Variants in NF2 observed in about 807,000 individuals in gnomAD.
NF2 encodes the protein merlin.
Under a neutral mutation model 83.7 loss-of-function variants are expected in NF2, and 8 were observed. The ratio of observed to expected loss-of-function variants is 0.10; its 90% CI spans 0.06 to 0.17. The LOEUF is 0.17. NF2 is among the 10% of genes least tolerant of loss of function. The pLI, the probability that NF2 is intolerant of heterozygous loss-of-function variation, is 1.00. For synonymous variants in NF2, 266 were observed against 269.6 expected (o/e 0.99, Z 0.13); for missense variants, 533 against 744.4 (o/e 0.72, Z 3.31).
At chr22:29,656,849 AC>A (rs957066758) in intron 6 of NF2, among the ~76,000 whole-genome samples, 1 of 95,974 alleles carries the variant, frequency 1.0e-5, no homozygotes, top group African/African-American at 4.1e-5. Flanking sequence ...AGAGTGTCCC[AC>A]CCCCCACCCC....
At chr22:29,664,038 A>G (rs1418556493) in intron 8 of NF2, among the ~76,000 whole-genome samples, 1 of 152,194 alleles carries the variant, frequency 6.6e-6, no homozygotes, top group Non-Finnish European at 1.5e-5. Flanking sequence ...GATTCTATTA[A>G]CAGCTTTTAC....
At chr22:29,673,151 C>A in intron 11 of NF2, 118 bp from the exon 12 acceptor site, 1 of 1,117,296 alleles carries the variant, frequency 9.0e-7, no homozygotes, top group Non-Finnish European at 1.3e-6. Context: ...GGAGGGCACT[C>A]AGCAGCAGGG....
intron 15 of NF2, among the ~76,000 whole-genome samples, chr22:29,689,360 T>C (rs1302341192): frequency 1.3e-5 from 2 of 152,074 alleles, no homozygotes; most frequent in Non-Finnish European, 2.9e-5. Context: ...ACCTTTCTGC[T>C]CTGAGTCTGC....
chr22:29,636,894 T>A lies in NF2; in HGVS notation c.240+18T>A, dbSNP rs759889778. On this transcript the variant is annotated intron_variant, in intron 2 of 15. Coordinates refer to ENST00000338641, the MANE Select transcript of NF2 (RefSeq NM_000268.4). The surrounding 1 kb of genome is among the most constrained non-coding windows in gnomAD (Gnocchi z 4.4). ...ACAAGAAGGTTGGGCTAGAACTCGA[T>A]GAAACTGGTGGGGCTGACGTGAGCT... 1.2e-5 allele frequency: 20 copies of A among 1,613,880 alleles called. No individual in the cohort carries two copies. The highest frequency in any genetic ancestry group is 1.7e-5 in the Admixed American group (1 of 60,022).
At chr22:29,627,967 G>A (rs1014089532) in intron 1 of NF2, among the ~76,000 whole-genome samples, 6 of 152,160 alleles carry the variant, frequency 3.9e-5, no homozygotes, top group East Asian at 1.9e-4. Flanking sequence ...TTTTAATAAC[G>A]AGTGTCATAA....
Position 29,681,714 on chromosome 22 carries a change from T to TAAAA in NF2, c.1737+114_1737+115insAAAA, listed in dbSNP as rs1243425851. The TAAAA allele has an allele frequency of 2.2e-6, 3 of 1,353,964 alleles. No homozygotes were observed. The African/African-American group carries it at 4.4e-5, about 20-fold the overall frequency. The allele number at this position is 1,353,964 out of a possible 1,614,324, so 83.9% of individuals were successfully genotyped here. ...GTCACTAGACTATTGGCATCTTTTG[T>TAAAA]ATGTACTTAGTTGAGGAAATTTTTT... is the stretch of plus-strand genomic sequence containing the variant. On this transcript the variant is annotated intron_variant, in intron 15 of 15. Transcript: ENST00000338641.
chr22:29,681,306 TG>T, intron 14 of NF2, 132 bp from the exon 15 acceptor site: 1 of 1,004,118 alleles, frequency 1.0e-6, no homozygotes, highest in Non-Finnish European at 1.6e-6. Context: ...GGCCTGTGAG[TG>T]GCCAAGTAGA....
rs2147070851 is a variant in NF2 at position 29,671,828 on chromosome 22, G to A, written c.1002G>A (p.Met334Ile). The change falls in exon 11 of 16, where the codon ATG becomes ATA. Residue 334 changes from methionine (M) to isoleucine (I), a missense_variant and splice_region_variant. Around this residue, in one of 3 missense-constraint regions of NF2, gnomAD observed 326 missense variants for 475.1 expected, o/e 0.69. Transcript: ENST00000338641. The stretch of plus-strand genomic sequence containing the variant: ...CTGTTTTTCTTCACCCCTCGCAGAT[G>A]GAGCGGCAGCGCCTCGCTCGAGAGA... ...QAREEKARKQ[M>I]ERQRLAREKQ... 2 of 1,614,034 alleles carry A rather than the reference G, an allele frequency of 1.2e-6. No homozygotes were observed. Among genetic ancestry groups the A allele is most frequent in the Non-Finnish European group, 1.7e-6 (2 of 1,179,958 alleles).
intron 7 of NF2, 150 bp from the exon 8 acceptor site, chr22:29,661,055 A>G: frequency 3.4e-6 from 4 of 1,176,766 alleles, no homozygotes; most frequent in Non-Finnish European, 5.0e-6. Context: ...GAAAGCTGAA[A>G]TCTTCTTGGT....
At chr22:29,624,793 A>G (rs1299385010) in intron 1 of NF2, among the ~76,000 whole-genome samples, 1 of 149,332 alleles carries the variant, frequency 6.7e-6, no homozygotes, top group Non-Finnish European at 1.5e-5. Flanking sequence ...TTCTTGTTGA[A>G]GGGTCCTCTT....
chr22:29,658,570 G>A lies in NF2; in HGVS notation c.675+306G>A, dbSNP rs1047212694. 1.7e-3 allele frequency among the ~76,000 whole-genome samples: 251 copies of A among 152,030 alleles called. 1 individual carries two copies. The highest frequency in any genetic ancestry group is 3.2e-4 in the Non-Finnish European group (22 of 67,968). On this transcript the variant is annotated intron_variant, in intron 7 of 15. Coordinates refer to ENST00000338641, the MANE Select transcript of NF2 (RefSeq NM_000268.4). The stretch of plus-strand genomic sequence containing the variant: ...TTATTTCTGGCTCTGTGAGATCTCC[G>A]TCCACAGGGAGCACTTGTAAGTACT...
At chr22:29,655,285 T>C (rs1024684809) in intron 5 of NF2, among the ~76,000 whole-genome samples, 1 of 152,106 alleles carries the variant, frequency 6.6e-6, no homozygotes, top group African/African-American at 2.4e-5. Context: ...CTGAGATGAG[T>C]GAGCATTGCT....
chr22:29,648,572 ATC>A (rs2066050465), intron 4 of NF2, among the ~76,000 whole-genome samples: 2 of 152,356 alleles, frequency 1.3e-5, no homozygotes, highest in East Asian at 1.9e-4. Context: ...CTCCAGAGGA[ATC>A]TCTGCACACA....
Position 29,604,040 on chromosome 22 carries a change from C to G in NF2, c.42C>G (p.Leu14=). The G allele has an allele frequency of 6.2e-7, 1 of 1,604,080 alleles. No homozygotes were observed. ...AIASRMSFSS[L]KRKQPKTFTV... ...CTTCCCGCATGAGCTTCAGCTCTCT[C>G]AAGAGGAAGCAACCCAAGACGTTCA... The change falls in exon 1 of 16, where the codon CTC becomes CTG. Residue 14 remains leucine (L), a synonymous_variant. Coordinates refer to ENST00000338641, the MANE Select transcript of NF2 (RefSeq NM_000268.4).
rs145446060 is a variant in NF2, at chr22:29,694,767, G to A, written c.1753G>A (p.Ala585Thr). Residue 585 changes from alanine (A) to threonine (T), a missense_variant, in exon 16 of 16, where the codon GCC becomes ACC. Physicochemically the swap from Ala to Thr is moderately conservative, Grantham distance 58. Coordinates refer to ENST00000338641, the MANE Select transcript of NF2 (RefSeq NM_000268.4). This position sits in a 1 kb window ranked among gnomAD's most constrained non-coding sequence, Gnocchi z 4.1. ...TTTCTTACAGCTCACCTTGCAGAGC[G>A]CCAAGTCCCGAGTGGCCTTCTTTGA... ...NTIKKLTLQSAKSRVAFFEEL is the reference protein window; with the variant it reads ...NTIKKLTLQSTKSRVAFFEEL 152 of 1,613,584 alleles carry A rather than the reference G, an allele frequency of 9.4e-5. No homozygotes were observed. In the African/African-American group the frequency reaches 1.1e-3, roughly 12 times the overall value.
chr22:29,626,458 G>A (rs2065371647), intron 1 of NF2, among the ~76,000 whole-genome samples: 1 of 152,060 alleles, frequency 6.6e-6, no homozygotes, highest in Non-Finnish European at 1.5e-5. Flanking sequence ...AGCCCCATCT[G>A]CAGATATTTT....
rs76919536 is a variant in NF2 at position 29,650,428 on chromosome 22, C to A, written c.448-4229C>A. On this transcript the variant is annotated intron_variant, in intron 4 of 15. Coordinates refer to ENST00000338641, the MANE Select transcript of NF2 (RefSeq NM_000268.4). ...TTCCTTGATTGCTATTGGGACTGAA[C>A]GTCTTTTCATAAACTTACTGTCCAT... Among the ~76,000 whole-genome samples the A allele has an allele frequency of 1.3e-4, 20 of 152,226 alleles. No individual in the cohort carries two copies. In the East Asian group the frequency reaches 3.1e-3, roughly 23 times the overall value.
chr22:29,648,927 T>C (rs571533533), intron 4 of NF2, among the ~76,000 whole-genome samples: 1 of 152,320 alleles, frequency 6.6e-6, no homozygotes, highest in South Asian at 2.1e-4. Flanking sequence ...CTATGTTTCA[T>C]AGAAAGGAGG....
At position 29,695,305 on chromosome 22, in the gene NF2, C is replaced by G; in HGVS notation, c.*503C>G. On this transcript the variant is annotated 3_prime_UTR_variant, in exon 16 of 16. Coordinates refer to ENST00000338641, the MANE Select transcript of NF2 (RefSeq NM_000268.4). This position sits in a 1 kb window ranked among gnomAD's most constrained non-coding sequence, Gnocchi z 5.4. ...GCGGATCCCAGGCCAGCACGCCTGC[C>G]GGCTTCTCATCGTCAGGGAGCCCGC... 1 of 274,094 alleles carries G rather than the reference C, an allele frequency of 3.6e-6. No homozygotes were observed. Among genetic ancestry groups the G allele is most frequent in the Non-Finnish European group, 7.1e-6 (1 of 141,318 alleles). 17.0% of individuals were successfully genotyped at this position (274,094 alleles called of 1,614,324 possible). A position where few individuals can be genotyped will look rare whatever the true frequency, so the allele number is the denominator to read the frequency against.
Sources: gnomAD v4.1 joint callset for allele counts (sites outside exome capture counted in the v4.1 genomes callset) on GRCh38, gnomAD v4.1.1 for gene constraint, gnomAD v4.1.1 regional missense constraint, Gnocchi (gnomAD v3.1) non-coding constraint, MANE v1.5 for transcripts, NCBI Gene and HGNC (gene_info 2026-07-23, HGNC 2026-07-21) for gene names.